The following FOXN4 variants were observed in gnomAD, a reference collection of about 807,000 sequenced individuals.
The protein encoded by FOXN4 is forkhead box protein N4.
Under a neutral mutation model 45.0 loss-of-function variants are expected in FOXN4, and 12 were observed. That is an observed-to-expected ratio of 0.27 (90% CI 0.17 to 0.43). The LOEUF (loss-of-function observed/expected upper bound fraction) is 0.43. Ranked by LOEUF, FOXN4 falls within the 20% of genes least tolerant of loss-of-function variation. The pLI, the probability that FOXN4 is intolerant of heterozygous loss-of-function variation, is 1.00. For synonymous variants in FOXN4, 297 were observed against 295.0 expected (o/e 1.01, Z -0.07); for missense variants, 560 against 694.9 (o/e 0.81, Z 2.18).
intron 8 of FOXN4, 27 bp downstream of exon 8, chr12:109,285,277 G>A (rs763738856): frequency 3.1e-5 from 48 of 1,558,626 alleles, no homozygotes; most frequent in Admixed American, 2.4e-4. Context: ...GTGTGTGTGC[G>A]CGCACTGCGG....
intron 8 of FOXN4, 24 bp downstream of exon 8, chr12:109,285,272 TGTGCGCGC>T (rs2047697505): frequency 6.8e-7 from 1 of 1,471,130 alleles, no homozygotes; most frequent in African/African-American, 1.4e-5. Context: ...TGTGTGTGTG[TGTGCGCGC>T]ACTGCGGGCT....
rs1341860661 is a variant in FOXN4 at position 109,282,720 on chromosome 12, A to AG, written c.902-922dup. Among the ~76,000 whole-genome samples, 15 of 152,360 alleles carry AG rather than the reference A, an allele frequency of 9.8e-5. No individual in the cohort carries two copies. The South Asian group carries it at 3.1e-3, about 32-fold the overall frequency. On this transcript the variant is annotated intron_variant, in intron 8 of 9. Coordinates refer to ENST00000299162, the MANE Select transcript of FOXN4 (RefSeq NM_213596.3). Reference sequence around the variant, plus strand: ...AACACTCTTGGATATAAACAAGTAAAGACAAATTACTCTCATATTATTTTT... The same window carrying AG: ...AACACTCTTGGATATAAACAAGTAAAGGACAAATTACTCTCATATTATTTTT...
chr12:109,289,474 C>T (rs1046360588), intron 3 of FOXN4, among the ~76,000 whole-genome samples: 9 of 152,196 alleles, frequency 5.9e-5, no homozygotes, highest in Admixed American at 5.2e-4. Context: ...AATAAATAAT[C>T]CTAGACAAGT....
Position 109,279,905 on chromosome 12 carries a change from A to C in FOXN4, c.1320T>G (p.Asp440Glu), listed in dbSNP as rs2047636356. ...LQGNLWEEMKDEGFSLDTLGA... is the reference protein window; with the variant it reads ...LQGNLWEEMKEEGFSLDTLGA... ...CCAGTGTGTCCAAGCTGAATCCCTC[A>C]TCCTTCATCTCCTCCCACAGGTTCC... Residue 440 changes from aspartate (D) to glutamate (E), a missense_variant, in exon 10 of 10, where the codon GAT (aspartate) becomes GAG (glutamate). Physicochemically the swap from Asp to Glu is conservative, Grantham distance 45. This residue lies in a region of FOXN4 where 315 missense variants were observed against 350.5 expected (regional missense o/e 0.90). Coordinates refer to ENST00000299162, the MANE Select transcript of FOXN4 (RefSeq NM_213596.3). 1 of 1,613,970 alleles carries C rather than the reference A, an allele frequency of 6.2e-7. No homozygotes were observed. Among genetic ancestry groups the C allele is most frequent in the African/African-American group, 1.3e-5 (1 of 75,056 alleles).
chr12:109,283,431 G>T (rs561362790), intron 8 of FOXN4, among the ~76,000 whole-genome samples: 1 of 151,432 alleles, frequency 6.6e-6, no homozygotes, highest in Non-Finnish European at 1.5e-5. Flanking sequence ...ATCTTGCTGT[G>T]GATATTGATT....
intron 2 of FOXN4, among the ~76,000 whole-genome samples, chr12:109,304,902 TC>T (rs2047907915): frequency 6.6e-6 from 1 of 152,164 alleles, no homozygotes; most frequent in African/African-American, 2.4e-5. Flanking sequence ...AAGCATTCTC[TC>T]CCAGGCCCCT....
chr12:109,298,138 C>T (rs940684650), intron 2 of FOXN4, among the ~76,000 whole-genome samples: 1 of 152,038 alleles, frequency 6.6e-6, no homozygotes, highest in Non-Finnish European at 1.5e-5. Context: ...AGTCCCCCAT[C>T]GCCATCCCCA....
chr12:109,299,919 G>A (rs1256346353), intron 2 of FOXN4, among the ~76,000 whole-genome samples: 1 of 152,218 alleles, frequency 6.6e-6, no homozygotes, highest in Admixed American at 6.5e-5. Context: ...CACTGCAGTG[G>A]AGTGGTCACC....
At chr12:109,284,320 G>C (rs576446185) in intron 8 of FOXN4, among the ~76,000 whole-genome samples, 1 of 152,372 alleles carries the variant, frequency 6.6e-6, no homozygotes, top group East Asian at 1.9e-4. Flanking sequence ...TTCATAGGAG[G>C]GAGGGAGGTT....
intron 2 of FOXN4, among the ~76,000 whole-genome samples, chr12:109,305,825 C>T (rs2047917033): frequency 6.6e-6 from 1 of 152,194 alleles, no homozygotes; most frequent in Admixed American, 6.5e-5. Context: ...GACCAGGAGC[C>T]TGGGCACCTC....
In FOXN4 at chr12:109,290,272, G is replaced by A; in HGVS notation, c.101C>T (p.Thr34Ile). Residue 34 changes from threonine to isoleucine, a missense_variant, in exon 3 of 10, where the codon ACC becomes ATC. Thr to Ile is a moderately conservative substitution (Grantham distance 89). Transcript: ENST00000299162. This position sits in a 1 kb window ranked among gnomAD's most constrained non-coding sequence, Gnocchi z 5.1. The part of the protein sequence containing the change: ...SPQEYRLLAT[T>I]SDDDLPGDLQ... ...GTCCCCGGGAAGGTCATCATCGCTG[G>A]TGGTGGCTAGAAGCCTGCAAAGAGG... 1 of 1,549,692 alleles carries A rather than the reference G, an allele frequency of 6.5e-7. No homozygotes were observed. Among genetic ancestry groups the A allele is most frequent in the African/African-American group, 1.4e-5 (1 of 73,152 alleles).
chr12:109,301,446 C>T (rs2047868183), intron 2 of FOXN4, among the ~76,000 whole-genome samples: 1 of 152,210 alleles, frequency 6.6e-6, no homozygotes, highest in African/African-American at 2.4e-5. Context: ...TCAAGCTCCT[C>T]ACCTTGACCT....
In FOXN4 at chr12:109,286,708, T is replaced by C; in HGVS notation, c.633A>G (p.Thr211=). The part of the protein sequence containing the change: ...LIAMALKNSK[T]GSLPVSEIYS... ...AGATCTCGCTCACAGGCAGGCTGCC[T>C]GTCTTGCTGTTCTTCAGGGCCATGG... is the stretch of plus-strand genomic sequence containing the variant. The change falls in exon 7 of 10, where the codon ACA becomes ACG. Residue 211 remains threonine (T), a synonymous_variant. Transcript: ENST00000299162. 6.2e-7 allele frequency: 1 copy of C among 1,607,614 alleles called. No individual in the cohort carries two copies. The highest frequency in any genetic ancestry group is 8.5e-7 in the Non-Finnish European group (1 of 1,179,252).
intron 8 of FOXN4, among the ~76,000 whole-genome samples, chr12:109,283,096 G>A (rs966638805): frequency 9.9e-5 from 15 of 152,182 alleles, no homozygotes; most frequent in African/African-American, 2.4e-4. Flanking sequence ...GCCATACTCC[G>A]AAGGCTGGGG....
intron 2 of FOXN4, among the ~76,000 whole-genome samples, chr12:109,292,889 G>A (rs1037146929): frequency 2.0e-5 from 3 of 152,136 alleles, no homozygotes; most frequent in Non-Finnish European, 4.4e-5. Context: ...CACGTATAAA[G>A]GGCTGAGCAC....
At chr12:109,302,168 T>C (rs534509604) in intron 2 of FOXN4, among the ~76,000 whole-genome samples, 2 of 152,318 alleles carry the variant, frequency 1.3e-5, no homozygotes, top group South Asian at 4.1e-4. Context: ...ACAAGACCCA[T>C]AGCAGCCAGC....
At position 109,309,264 on chromosome 12, in the gene FOXN4, G is replaced by C. The variant is rs2047947399; in HGVS notation, c.-149C>G. ...AACCGTTTTTAAATTTCCCTCTCTG[G>C]AGCTGTCCAGCTCAGAGCATGCGCA... On this transcript the variant is annotated 5_prime_UTR_variant, in exon 1 of 10. Transcript: ENST00000299162. This position sits in a 1 kb window ranked among gnomAD's most constrained non-coding sequence, Gnocchi z 5.0. 1 of 152,274 alleles carries C rather than the reference G, an allele frequency of 6.6e-6. No individual in the cohort carries two copies. The highest frequency in any genetic ancestry group is 2.4e-5 in the African/African-American group (1 of 41,444). 9.4% of individuals were successfully genotyped at this position (152,274 alleles called of 1,614,324 possible). A position where few individuals can be genotyped will look rare whatever the true frequency, so the allele number is the denominator to read the frequency against.
intron 8 of FOXN4, among the ~76,000 whole-genome samples, chr12:109,283,827 A>G (rs982287126): frequency 1.3e-5 from 2 of 152,224 alleles, no homozygotes; most frequent in Non-Finnish European, 2.9e-5. Context: ...CATTTCTAAT[A>G]CTTGCATGGT....
rs1283895598 is a variant in FOXN4 at position 109,290,429 on chromosome 12, C to A, written c.87-143G>T. 1.0e-6 allele frequency: 1 copy of A among 1,002,132 alleles called. No homozygotes were observed. The highest frequency in any genetic ancestry group is 3.2e-5 in the Admixed American group (1 of 31,218). 62.1% of individuals were successfully genotyped at this position (1,002,132 alleles called of 1,614,324 possible). ...CCCTCCAACCTGCCCGTCCCCAGGACTGGACACGGGAACCTGGTCCCAGAT... is the reference window on the plus strand; with the variant it reads ...CCCTCCAACCTGCCCGTCCCCAGGAATGGACACGGGAACCTGGTCCCAGAT... On this transcript the variant is annotated intron_variant, in intron 2 of 9. Transcript: ENST00000299162. This position sits in a 1 kb window ranked among gnomAD's most constrained non-coding sequence, Gnocchi z 5.1.
Sources: gnomAD v4.1 joint callset for allele counts (sites outside exome capture counted in the v4.1 genomes callset) on GRCh38, gnomAD v4.1.1 for gene constraint, gnomAD v4.1.1 regional missense constraint, Gnocchi (gnomAD v3.1) non-coding constraint, MANE v1.5 for transcripts, NCBI Gene and HGNC (gene_info 2026-07-23, HGNC 2026-07-21) for gene names.